The following NTRK3 variants were observed in gnomAD, a reference collection of about 807,000 sequenced individuals.
The protein encoded by NTRK3 is NT-3 growth factor receptor.
NTRK3 carries 24 observed loss-of-function variants against 91.7 expected under a neutral mutation model. That is an observed-to-expected ratio of 0.26 (90% CI 0.19 to 0.37). The LOEUF (loss-of-function observed/expected upper bound fraction) is 0.37. Ranked by LOEUF, NTRK3 falls within the 10% of genes least tolerant of loss-of-function variation. The pLI is 1.00. For synonymous variants in NTRK3, 483 were observed against 404.0 expected, an observed-to-expected ratio of 1.20 and a Z score of -2.34; for missense variants, 880 against 1,068.9, an observed-to-expected ratio of 0.82 and a Z score of 2.46.
At chr15:87,916,650 A>C in intron 17 of NTRK3, 1 of 692,874 alleles carries the variant, frequency 1.4e-6, no homozygotes, top group Non-Finnish European at 2.6e-6. Context: ...CCTCAGAAAT[A>C]GGTTATTATT....
At chr15:87,919,479 G>A (rs2067696091) in intron 17 of NTRK3, among the ~76,000 whole-genome samples, 3 of 152,144 alleles carry the variant, frequency 2.0e-5, no homozygotes. Flanking sequence ...GAAAATACCA[G>A]ATTCTTTTCT....
intron 17 of NTRK3, among the ~76,000 whole-genome samples, chr15:87,922,036 A>C (rs932349293): frequency 1.3e-5 from 2 of 152,230 alleles, no homozygotes; most frequent in African/African-American, 4.8e-5. Context: ...GGTACCACTT[A>C]TTAAATGAGA....
At chr15:87,898,068 C>G (rs1408693599) in intron 17 of NTRK3, among the ~76,000 whole-genome samples, 1 of 152,230 alleles carries the variant, frequency 6.6e-6, no homozygotes, top group African/African-American at 2.4e-5. Flanking sequence ...GACACCTGCA[C>G]ATACATAATA....
chr15:88,200,383 TC>T (rs1044642648), intron 3 of NTRK3, among the ~76,000 whole-genome samples: 1 of 152,206 alleles, frequency 6.6e-6, no homozygotes, highest in Non-Finnish European at 1.5e-5. Context: ...CATCTGGTGT[TC>T]CTGGAGAGAT....
At chr15:88,001,566 T>C (rs1381650948) in intron 14 of NTRK3, among the ~76,000 whole-genome samples, 3 of 152,206 alleles carry the variant, frequency 2.0e-5, no homozygotes, top group Non-Finnish European at 4.4e-5. Flanking sequence ...GAATAGCTCA[T>C]TGTCCCAGGA....
chr15:88,101,146 T>C (rs1208958793), intron 13 of NTRK3, among the ~76,000 whole-genome samples: 4 of 151,986 alleles, frequency 2.6e-5, no homozygotes, highest in African/African-American at 4.8e-5. Flanking sequence ...CCAGAATCTA[T>C]AATGAACTCA....
intron 3 of NTRK3, among the ~76,000 whole-genome samples, chr15:88,195,103 G>A (rs2047705851): frequency 6.6e-6 from 1 of 152,194 alleles, no homozygotes; most frequent in Admixed American, 6.5e-5. Flanking sequence ...CGGTGCCACT[G>A]GTGTCTAGCG....
chr15:88,136,805 G>T (rs1036453258), intron 7 of NTRK3, among the ~76,000 whole-genome samples, 196 bp from the exon 8 acceptor site: 2 of 152,184 alleles, frequency 1.3e-5, no homozygotes, highest in Non-Finnish European at 2.9e-5. Context: ...ACTCAGAATT[G>T]AAGCCCATGC....
intron 14 of NTRK3, among the ~76,000 whole-genome samples, chr15:87,982,849 G>C (rs140102750): frequency 6.6e-6 from 1 of 151,336 alleles, no homozygotes; most frequent in African/African-American, 2.5e-5. Flanking sequence ...TCTCTCCCTT[G>C]CTGGGGTTTC....
At chr15:88,162,746 G>A (rs2044580487) in intron 5 of NTRK3, among the ~76,000 whole-genome samples, 1 of 152,202 alleles carries the variant, frequency 6.6e-6, no homozygotes, top group African/African-American at 2.4e-5. Context: ...TTTGGATGGG[G>A]AGGCAGATGG....
chr15:88,190,085 C>T (rs1432904981), intron 3 of NTRK3, among the ~76,000 whole-genome samples: 1 of 152,098 alleles, frequency 6.6e-6, no homozygotes, highest in Non-Finnish European at 1.5e-5. Context: ...GACAGGAACT[C>T]GGTCGGTGGG....
At chr15:87,979,632 T>A (rs1333460930) in intron 14 of NTRK3, among the ~76,000 whole-genome samples, 1 of 152,130 alleles carries the variant, frequency 6.6e-6, no homozygotes, top group Non-Finnish European at 1.5e-5. Flanking sequence ...AAACCCTGCA[T>A]GGTCAGAGAA....
At chr15:88,133,116 G>A (rs2041530732) in intron 10 of NTRK3, among the ~76,000 whole-genome samples, 1 of 152,184 alleles carries the variant, frequency 6.6e-6, no homozygotes, top group African/African-American at 2.4e-5. Flanking sequence ...CACATTCTCA[G>A]GTGAGGTGGA....
chr15:88,046,055 A>G (rs1250376750), intron 13 of NTRK3, among the ~76,000 whole-genome samples: 1 of 152,208 alleles, frequency 6.6e-6, no homozygotes, highest in Admixed American at 6.5e-5. Flanking sequence ...TGTCTCCCAT[A>G]TGCCTAATCT....
chr15:88,127,206 G>A (rs770008589), exon 12 of NTRK3: 3 of 1,614,094 alleles, frequency 1.9e-6, no homozygotes, highest in East Asian at 4.5e-5. Context: ...GTGATAGGAG[G>A]TGTGGGACTC....
chr15:88,177,013 C>T (rs2046061988), intron 5 of NTRK3, among the ~76,000 whole-genome samples: 1 of 152,146 alleles, frequency 6.6e-6, no homozygotes, highest in South Asian at 2.1e-4. Context: ...TGCCAAGATC[C>T]AGGGCAGGGT....
intron 14 of NTRK3, among the ~76,000 whole-genome samples, chr15:87,995,016 C>G (rs2075585084): frequency 6.6e-6 from 1 of 152,220 alleles, no homozygotes; most frequent in African/African-American, 2.4e-5. Context: ...GTACCTTCAA[C>G]TAATGATAAT....
At chr15:88,144,096 C>G (rs984428921) in intron 6 of NTRK3, 2 of 152,122 alleles carry the variant, frequency 1.3e-5, no homozygotes, top group South Asian at 4.1e-4. Context: ...TTCTTTATCT[C>G]TAAGACAATC....
intron 5 of NTRK3, among the ~76,000 whole-genome samples, chr15:88,171,346 T>C (rs2045498509): frequency 6.6e-6 from 1 of 152,040 alleles, no homozygotes; most frequent in South Asian, 2.1e-4. Flanking sequence ...CAAGGGTGCA[T>C]GTGTGTTGAG....
Sources: gnomAD v4.1 joint callset for allele counts (sites outside exome capture counted in the v4.1 genomes callset) on GRCh38, gnomAD v4.1.1 for gene constraint, MANE v1.5 for transcripts, NCBI Gene and HGNC (gene_info 2026-07-23, HGNC 2026-07-21) for gene names.